TMEM63C: variants seen among roughly 807,000 people sequenced by gnomAD.
TMEM63C encodes the protein osmosensitive cation channel TMEM63C.
A neutral mutation model predicts 99.2 loss-of-function variants in TMEM63C; 32 were observed. The ratio of observed to expected loss-of-function variants is 0.32; its 90% confidence interval spans 0.24 to 0.43. The LOEUF (loss-of-function observed/expected upper bound fraction) is 0.43, where lower values mean the gene tolerates loss of function less well. Among genes scored for constraint, TMEM63C ranks in the 20% least tolerant of loss-of-function variants. The pLI, the probability that TMEM63C is intolerant of heterozygous loss-of-function variation, is 1.00. For missense variants in TMEM63C, 826 were observed against 1,053.0 expected (o/e 0.78, Z 2.98); for synonymous variants, 376 against 397.9 (o/e 0.94, Z 0.66).
chr14:77,238,637 T>C, intron 9 of TMEM63C, 57 bp from the exon 10 acceptor site: 1 of 1,429,038 alleles, frequency 7.0e-7, no homozygotes, highest in Admixed American at 1.7e-5. Flanking sequence ...GACTGAGGTG[T>C]CTGGAATTCC....
At chr14:77,201,214 A>G (rs778007746) in intron 1 of TMEM63C, 3 of 152,172 alleles carry the variant, frequency 2.0e-5, no homozygotes, top group Non-Finnish European at 4.4e-5. Context: ...CTGTGCTCCC[A>G]GTACTCCTTG....
chr14:77,228,649 G>T (rs12588625), intron 6 of TMEM63C, among the ~76,000 whole-genome samples: 45,523 of 151,138 alleles, frequency 0.3, 7,842 homozygotes, highest in East Asian at 0.57. Flanking sequence ...CAATTTTCCT[G>T]CCTCAGCCTC....
chr14:77,230,995 T>C lies in TMEM63C; in HGVS notation c.351-593T>C, dbSNP rs960681572. On this transcript the variant is annotated intron_variant, in intron 6 of 23. Transcript: ENST00000298351. Reference sequence around the variant, plus strand: ...AACCTAGGAGTGAATTGCTGGGTCATAGAATGTGCATGTATTCCATTTCAG... The same window carrying C: ...AACCTAGGAGTGAATTGCTGGGTCACAGAATGTGCATGTATTCCATTTCAG... 7.9e-5 allele frequency among the ~76,000 whole-genome samples: 12 copies of C among 152,236 alleles called. 1 individual carries two copies. The highest frequency in any genetic ancestry group is 3.9e-4 in the Admixed American group (6 of 15,286).
chr14:77,241,355 C>T (rs562949293), intron 13 of TMEM63C, among the ~76,000 whole-genome samples: 25 of 152,314 alleles, frequency 1.6e-4, no homozygotes, highest in African/African-American at 5.8e-4. Flanking sequence ...GCTCTACAGT[C>T]CCCTCTCTTC....
intron 3 of TMEM63C, 99 bp from the exon 4 acceptor site, chr14:77,219,399 C>A: frequency 1.6e-6 from 2 of 1,229,600 alleles, no homozygotes; most frequent in Admixed American, 1.7e-5. Flanking sequence ...TCCCTGGGGA[C>A]CTCAGGGACA....
intron 1 of TMEM63C, among the ~76,000 whole-genome samples, chr14:77,209,154 C>A (rs1461264502): frequency 6.6e-6 from 1 of 152,152 alleles, no homozygotes; most frequent in Non-Finnish European, 1.5e-5. Flanking sequence ...CTCATAATCA[C>A]CCTGGTATAG....
At position 77,234,229 on chromosome 14, in the gene TMEM63C, A is replaced by T. The variant is rs374083787; in HGVS notation, c.542+729A>T. Among the ~76,000 whole-genome samples, 4 of 152,028 alleles carry T rather than the reference A, an allele frequency of 2.6e-5. No homozygotes were observed. The East Asian group carries it at 7.7e-4, about 29-fold the overall frequency. On this transcript the variant is annotated intron_variant, in intron 8 of 23. Coordinates refer to ENST00000298351, the MANE Select transcript of TMEM63C (RefSeq NM_020431.4). ...CAGCAAGTGTGAGTGGGGTTCACAC[A>T]CCCCTGCCCCACCTCGCCTCCCCCA...
intron 1 of TMEM63C, among the ~76,000 whole-genome samples, chr14:77,197,687 C>A (rs574069949): frequency 2.0e-5 from 3 of 152,370 alleles, no homozygotes; most frequent in Admixed American, 2.0e-4. Flanking sequence ...AGACACAGTG[C>A]AGTCATCCAA....
At chr14:77,241,182 C>T (rs989842559) in intron 13 of TMEM63C, among the ~76,000 whole-genome samples, 20 of 152,066 alleles carry the variant, frequency 1.3e-4, no homozygotes, top group Non-Finnish European at 2.4e-4. Flanking sequence ...AACTCCTGAC[C>T]TCAGGTGATC....
chr14:77,242,802 G>T, intron 14 of TMEM63C, 101 bp from the exon 15 acceptor site: 2 of 1,412,534 alleles, frequency 1.4e-6, no homozygotes, highest in South Asian at 1.2e-5. Flanking sequence ...GGCTGGATTA[G>T]ACCAGGGCAG....
Position 77,256,559 on chromosome 14 carries a change from T to A in TMEM63C, c.2254T>A (p.Leu752Met). The A allele has an allele frequency of 6.2e-7, 1 of 1,613,566 alleles. No homozygotes were observed. Among genetic ancestry groups the A allele is most frequent in the Non-Finnish European group, 8.5e-7 (1 of 1,179,792 alleles). Residue 752 changes from leucine to methionine, a missense_variant, in exon 24 of 24, where the codon TTG becomes ATG. Leu to Met is a conservative substitution (Grantham distance 15). Coordinates refer to ENST00000298351, the MANE Select transcript of TMEM63C (RefSeq NM_020431.4). ...GGCCACCGTGCTGCAAGAACCGGAG[T>A]TGAATCTGACCCCCGCCTCCTCCCC... The part of the protein sequence containing the change: ...YVATVLQEPE[L>M]NLTPASSPAR...
chr14:77,244,482 C>T, intron 16 of TMEM63C, 27 bp downstream of exon 16: 1 of 1,580,580 alleles, frequency 6.3e-7, no homozygotes, highest in East Asian at 2.2e-5. Flanking sequence ...CTCTCGTAGC[C>T]CTGTGGTTTC....
At chr14:77,231,903 A>G (rs1594862573) in intron 7 of TMEM63C, among the ~76,000 whole-genome samples, 173 bp downstream of exon 7, 1 of 152,344 alleles carries the variant, frequency 6.6e-6, no homozygotes, top group East Asian at 1.9e-4. Flanking sequence ...TGGAGACTGG[A>G]GACGATTCCT....
rs901638088 is a variant in TMEM63C, at chr14:77,181,839, C to A, written c.-132C>A. The A allele has an allele frequency of 2.0e-5, 3 of 152,296 alleles. No homozygotes were observed. The highest frequency in any genetic ancestry group is 2.9e-5 in the Non-Finnish European group (2 of 68,140). 9.4% of individuals were successfully genotyped at this position (152,296 alleles called of 1,614,324 possible). A position where few individuals can be genotyped will look rare whatever the true frequency, so the allele number is the denominator to read the frequency against. On this transcript the variant is annotated 5_prime_UTR_variant, in exon 1 of 24. Coordinates refer to ENST00000298351, the MANE Select transcript of TMEM63C (RefSeq NM_020431.4). ...GGGAGCGTGGAGCCTGTCACTGCAG[C>A]CTGGCGGCCTGAGCGCCGAGCCTGG...
At chr14:77,196,612 A>G (rs1888219054) in intron 1 of TMEM63C, among the ~76,000 whole-genome samples, 1 of 152,164 alleles carries the variant, frequency 6.6e-6, no homozygotes, top group Non-Finnish European at 1.5e-5. Flanking sequence ...ATCCGGCCAG[A>G]TGTGGCTCTT....
intron 12 of TMEM63C, among the ~76,000 whole-genome samples, chr14:77,240,046 T>C (rs55903932): frequency 0.099 from 15,009 of 152,108 alleles, 896 homozygotes; most frequent in Middle Eastern, 0.17. Flanking sequence ...CCCAAAGAGA[T>C]AGGACAGAAA....
intron 1 of TMEM63C, among the ~76,000 whole-genome samples, chr14:77,194,823 C>A (rs1337035117): frequency 2.6e-5 from 4 of 151,660 alleles, no homozygotes; most frequent in African/African-American, 7.3e-5. Context: ...CTCAAGTGAA[C>A]CTCCCACCTC....
intron 8 of TMEM63C, 88 bp downstream of exon 8, chr14:77,233,588 A>T: frequency 2.8e-6 from 4 of 1,419,874 alleles, no homozygotes; most frequent in Non-Finnish European, 3.9e-6. Context: ...CAACATGGGC[A>T]GCGTTTTGCT....
At chr14:77,200,976 T>G (rs555272275) in intron 1 of TMEM63C, 1 of 129,532 alleles carries the variant, frequency 7.7e-6, no homozygotes, top group South Asian at 2.3e-4. Context: ...TAGTGCTGTT[T>G]GTCTTTTTTT....
Sources: allele counts gnomAD v4.1 joint callset (sites outside exome capture counted in the v4.1 genomes callset), GRCh38; gene constraint gnomAD v4.1.1; transcripts MANE v1.5; gene names NCBI Gene and HGNC (gene_info 2026-07-23, HGNC 2026-07-21).